The following ABCB1 variants were observed in gnomAD, a reference collection of about 807,000 sequenced individuals.
ABCB1 encodes the protein ATP-dependent translocase ABCB1.
ABCB1 carries 69 observed loss-of-function variants against 142.0 expected under a neutral mutation model. The observed-to-expected ratio is 0.49, with a 90% confidence interval of 0.40 to 0.59. The LOEUF is 0.59. ABCB1 is among the 20% of genes least tolerant of loss of function. The pLI is 0.00. For synonymous variants in ABCB1, 532 were observed against 539.2 expected, an observed-to-expected ratio of 0.99 and a Z score of 0.18; for missense variants, 1,326 against 1,554.7, an observed-to-expected ratio of 0.85 and a Z score of 2.47.
intron 19 of ABCB1, 113 bp downstream of exon 19, chr7:87,539,155 A>T: frequency 8.8e-7 from 1 of 1,141,936 alleles, no homozygotes; most frequent in Non-Finnish European, 1.3e-6. Context: ...ACTGAGGGAC[A>T]ACCAATATAG....
intron 25 of ABCB1, among the ~76,000 whole-genome samples, chr7:87,514,590 C>T (rs1815152380): frequency 1.3e-5 from 2 of 152,128 alleles, no homozygotes; most frequent in African/African-American, 4.8e-5. Flanking sequence ...AAGAGTTCAA[C>T]CCCTAAACAT....
intron 1 of ABCB1, among the ~76,000 whole-genome samples, chr7:87,676,120 A>G (rs928494990): frequency 6.6e-6 from 1 of 152,108 alleles, no homozygotes; most frequent in South Asian, 2.1e-4. Context: ...CCAGCTACTC[A>G]TAAGGCTGAG....
At chr7:87,597,008 C>T (rs568883505) in intron 2 of ABCB1, among the ~76,000 whole-genome samples, 1 of 152,200 alleles carries the variant, frequency 6.6e-6, no homozygotes, top group African/African-American at 2.4e-5. Context: ...TAAGTAAGCA[C>T]TTCCCACACA....
At chr7:87,623,848 A>G (rs1356717129) in intron 1 of ABCB1, among the ~76,000 whole-genome samples, 1 of 152,110 alleles carries the variant, frequency 6.6e-6, no homozygotes, top group East Asian at 1.9e-4. Flanking sequence ...AAATAATGAC[A>G]TGATAGCAAT....
intron 4 of ABCB1, among the ~76,000 whole-genome samples, chr7:87,583,450 C>T (rs1425324864): frequency 6.6e-6 from 1 of 152,070 alleles, no homozygotes; most frequent in East Asian, 1.9e-4. Flanking sequence ...TTTCTCTTTC[C>T]CGTTCTCAAG....
At chr7:87,590,220 A>G (rs566425316) in intron 3 of ABCB1, among the ~76,000 whole-genome samples, 4 of 152,334 alleles carry the variant, frequency 2.6e-5, no homozygotes, top group Admixed American at 1.3e-4. Flanking sequence ...CTCACAAAGC[A>G]TACACTCTAG....
intron 4 of ABCB1, among the ~76,000 whole-genome samples, chr7:87,570,823 G>C (rs901492038): frequency 6.6e-6 from 1 of 151,938 alleles, no homozygotes; most frequent in Non-Finnish European, 1.5e-5. Context: ...CAACATTTTT[G>C]TGTGTACATT....
intron 1 of ABCB1, among the ~76,000 whole-genome samples, chr7:87,678,556 A>T (rs1342750698): frequency 2.0e-5 from 3 of 152,202 alleles, no homozygotes. Context: ...AAAGGGATAA[A>T]CAGAAAACAA....
At chr7:87,671,571 AAGATGAG>A (rs1441066762) in intron 1 of ABCB1, among the ~76,000 whole-genome samples, 1 of 152,152 alleles carries the variant, frequency 6.6e-6, no homozygotes, top group Non-Finnish European at 1.5e-5. Context: ...CAAAACAGCA[AAGATGAG>A]AGCCTGTCCC....
intron 2 of ABCB1, among the ~76,000 whole-genome samples, chr7:87,596,988 A>T (rs1351049831): frequency 6.6e-6 from 1 of 152,106 alleles, no homozygotes; most frequent in Non-Finnish European, 1.5e-5. Context: ...ATAATGTTCC[A>T]GGCACTGGCT....
intron 24 of ABCB1, among the ~76,000 whole-genome samples, chr7:87,515,881 G>A (rs1025466712): frequency 2.6e-5 from 4 of 152,158 alleles, no homozygotes; most frequent in African/African-American, 9.7e-5. Context: ...ACAGGCATGA[G>A]CCACTGTGCT....
chr7:87,542,048 G>A (rs1196001362), intron 17 of ABCB1, among the ~76,000 whole-genome samples: 1 of 152,100 alleles, frequency 6.6e-6, no homozygotes, highest in African/African-American at 2.4e-5. Flanking sequence ...AGGATGTTTT[G>A]GACTCAAGGA....
chr7:87,600,076 T>G (rs374979155), intron 2 of ABCB1, 41 bp downstream of exon 2: 19 of 1,546,290 alleles, frequency 1.2e-5, no homozygotes, highest in Non-Finnish European at 1.6e-5. Context: ...TACTCAAATC[T>G]CGCAACTATG....
intron 4 of ABCB1, among the ~76,000 whole-genome samples, chr7:87,577,468 T>G (rs1818316984): frequency 6.6e-6 from 1 of 152,170 alleles, no homozygotes; most frequent in South Asian, 2.1e-4. Context: ...AATTTTCCAT[T>G]TTTTGAGGAA....
intron 2 of ABCB1, among the ~76,000 whole-genome samples, chr7:87,598,562 A>G (rs1819306067): frequency 6.6e-6 from 1 of 152,216 alleles, no homozygotes; most frequent in African/African-American, 2.4e-5. Flanking sequence ...GAGTTCATTG[A>G]CAATCCTTGC....
intron 1 of ABCB1, chr7:87,650,777 A>G (rs1823495172): frequency 8.5e-7 from 1 of 1,176,716 alleles, no homozygotes; most frequent in African/African-American, 1.5e-5. Context: ...TACTTAGGGA[A>G]TGAATCAACT....
chr7:87,587,942 AT>A (rs1818832970), intron 3 of ABCB1, among the ~76,000 whole-genome samples: 1 of 118,150 alleles, frequency 8.5e-6, no homozygotes, highest in African/African-American at 2.5e-5. Context: ...AAAGAGCACA[AT>A]GTGCTTAAAA....
At chr7:87,653,565 C>A (rs1823791589) in intron 1 of ABCB1, among the ~76,000 whole-genome samples, 1 of 152,034 alleles carries the variant, frequency 6.6e-6, no homozygotes, top group African/African-American at 2.4e-5. Context: ...ATAAAGCAGT[C>A]CATCAAGTTA....
At chr7:87,586,769 G>C (rs1349728432) in intron 3 of ABCB1, among the ~76,000 whole-genome samples, 3 of 152,170 alleles carry the variant, frequency 2.0e-5, no homozygotes, top group Non-Finnish European at 4.4e-5. Flanking sequence ...GGGGGATTTG[G>C]TACTGGACTG....
Sources: allele counts gnomAD v4.1 joint callset (sites outside exome capture counted in the v4.1 genomes callset), GRCh38; gene constraint gnomAD v4.1.1; transcripts MANE v1.5; gene names NCBI Gene and HGNC (gene_info 2026-07-23, HGNC 2026-07-21).